The following LARS2 variants were observed in gnomAD, a reference collection of about 807,000 sequenced individuals.
The protein encoded by LARS2 is leucyl-tRNA synthetase 2, mitochondrial.
In LARS2, 81 loss-of-function variants were observed where a neutral mutation model predicts 116.6. The observed-to-expected ratio is 0.69, with a 90% confidence interval of 0.58 to 0.84. The LOEUF (loss-of-function observed/expected upper bound fraction) is 0.84, where lower values mean the gene tolerates loss of function less well. LARS2 is among the 40% of genes least tolerant of loss of function. The pLI, the probability that LARS2 is intolerant of heterozygous loss-of-function variation, is 0.00. For synonymous variants in LARS2, 396 were observed against 407.2 expected, an observed-to-expected ratio of 0.97 and a Z score of 0.33; for missense variants, 968 against 1,114.5, an observed-to-expected ratio of 0.87 and a Z score of 1.87.
In LARS2 at chr3:45,416,335, GGAGA is replaced by G. The variant is rs141164137; in HGVS notation, c.364-1136_364-1133del. Among the ~76,000 whole-genome samples the G allele has an allele frequency of 4.7e-5, 7 of 150,320 alleles. No homozygotes were observed. The East Asian group carries it at 1.2e-3, about 26-fold the overall frequency. ...TCAGGAGAGTATTGCCTCAATCAGG[GGAGA>G]GAGAGAGAGATAGAAGAAAGAAGTG... On this transcript the variant is annotated intron_variant, in intron 4 of 21. Transcript: ENST00000645846.
At position 45,547,513 on chromosome 3, in the gene LARS2, T is replaced by C. The variant is rs1700893061; in HGVS notation, c.2695T>C (p.Phe899Leu). 1.2e-6 allele frequency: 2 copies of C among 1,604,732 alleles called. No individual in the cohort carries two copies. Among genetic ancestry groups the C allele is most frequent in the Non-Finnish European group, 1.7e-6 (2 of 1,176,808 alleles). The change falls in exon 22 of 22, where the codon TTC becomes CTC. Residue 899 changes from phenylalanine (F) to leucine (L), a missense_variant. Physicochemically the swap from Phe to Leu is conservative, Grantham distance 22 (BLOSUM62 0). Coordinates refer to ENST00000645846, the MANE Select transcript of LARS2 (RefSeq NM_015340.4). Reference protein sequence around the residue: ...FLSPRTALINFLVQD With the variant: ...FLSPRTALINLLVQD ...TTCCCCGAGAACTGCCCTCATCAAC[T>C]TCCTGGTGCAAGATTGACAGCCAGG... is the stretch of plus-strand genomic sequence containing the variant.
intron 3 of LARS2, among the ~76,000 whole-genome samples, chr3:45,396,960 C>G (rs1438960436): frequency 1.3e-5 from 2 of 152,174 alleles, no homozygotes; most frequent in African/African-American, 4.8e-5. Context: ...AGTGACAAAG[C>G]TAGGACCAGA....
At chr3:45,415,987 G>C (rs1698415225) in intron 4 of LARS2, among the ~76,000 whole-genome samples, 1 of 150,948 alleles carries the variant, frequency 6.6e-6, no homozygotes, top group Admixed American at 6.6e-5. Flanking sequence ...CTTTTATCCA[G>C]TCTCAAAAGT....
At chr3:45,515,160 A>G (rs1002248261) in intron 16 of LARS2, among the ~76,000 whole-genome samples, 31 of 152,234 alleles carry the variant, frequency 2.0e-4, no homozygotes, top group Middle Eastern at 3.4e-3. Context: ...GCTCATAGGA[A>G]GTCACCAGCC....
rs146526894 is a variant in LARS2 at position 45,462,834 on chromosome 3, T to G, written c.750+3948T>G. ...TCCTAATTTTAAAGACAGTGCCTGA[T>G]GTGAAAATTACAGAGAACCCAGCAA... On this transcript the variant is annotated intron_variant, in intron 8 of 21. Coordinates refer to ENST00000645846, the MANE Select transcript of LARS2 (RefSeq NM_015340.4). Among the ~76,000 whole-genome samples the G allele has an allele frequency of 8.5e-5, 13 of 152,320 alleles. No homozygotes were observed. The South Asian group carries it at 1.0e-3, about 12-fold the overall frequency.
chr3:45,513,835 A>G (rs1700329734), intron 16 of LARS2, among the ~76,000 whole-genome samples: 1 of 152,120 alleles, frequency 6.6e-6, no homozygotes, highest in African/African-American at 2.4e-5. Context: ...CACCCTGAGG[A>G]TCACAAGATC....
At chr3:45,391,518 AT>A (rs979624079) in intron 1 of LARS2, 64 bp from the exon 2 acceptor site, 11 of 148,440 alleles carry the variant, frequency 7.4e-5, no homozygotes, top group African/African-American at 2.5e-4. Context: ...CTGTGTTTTT[AT>A]TTTTTTATGA....
Position 45,417,590 on chromosome 3 carries a change from A to G in LARS2, c.455+17A>G, listed in dbSNP as rs1003731707. The G allele has an allele frequency of 9.5e-6, 15 of 1,580,192 alleles. No homozygotes were observed. Among genetic ancestry groups the G allele is most frequent in the Admixed American group, 1.7e-5 (1 of 59,016 alleles). On this transcript the variant is annotated intron_variant, in intron 5 of 21. Transcript: ENST00000645846. ...GACACAAAGGTAAGTGTTTACAGGCATATTCAAATACTTGCATACAAAAAC... is the reference window on the plus strand; with the variant it reads ...GACACAAAGGTAAGTGTTTACAGGCGTATTCAAATACTTGCATACAAAAAC...
chr3:45,400,305 A>T lies in LARS2; in HGVS notation c.295A>T (p.Met99Leu). 1 of 1,614,054 alleles carries T rather than the reference A, an allele frequency of 6.2e-7. No homozygotes were observed. ...CCCTTATCCTTCTGGTAAGCTGCAC[A>T]TGGGCCATGTGCGTGTCTACACCAT... is the stretch of plus-strand genomic sequence containing the variant. ...MFPYPSGKLH[M>L]GHVRVYTISD... Residue 99 changes from methionine to leucine, a missense_variant, in exon 4 of 22, where the codon ATG becomes TTG. Coordinates refer to ENST00000645846, the MANE Select transcript of LARS2 (RefSeq NM_015340.4).
At chr3:45,478,421 A>G (rs919798886) in intron 10 of LARS2, among the ~76,000 whole-genome samples, 2 of 152,256 alleles carry the variant, frequency 1.3e-5, no homozygotes, top group African/African-American at 4.8e-5. Context: ...GGGAGCTATG[A>G]TTTGTTAATG....
At chr3:45,415,178 C>T (rs1285309903) in intron 4 of LARS2, among the ~76,000 whole-genome samples, 2 of 152,180 alleles carry the variant, frequency 1.3e-5, no homozygotes, top group Admixed American at 6.5e-5. Context: ...CTCACTCCTG[C>T]TGGGCCACAG....
At chr3:45,449,539 G>C (rs1290406918) in intron 7 of LARS2, among the ~76,000 whole-genome samples, 1 of 152,090 alleles carries the variant, frequency 6.6e-6, no homozygotes, top group Non-Finnish European at 1.5e-5. Context: ...ATTCATGAGA[G>C]CAGAGCCCTC....
chr3:45,430,072 C>T (rs1372012156), intron 6 of LARS2, among the ~76,000 whole-genome samples: 67 of 115,576 alleles, frequency 5.8e-4, no homozygotes, highest in African/African-American at 2.0e-3. Context: ...AGTGTAGTGG[C>T]GCGATCTCGG....
chr3:45,496,497 G>A, intron 14 of LARS2, 124 bp downstream of exon 14: 1 of 743,890 alleles, frequency 1.3e-6, no homozygotes, highest in Non-Finnish European at 2.4e-6. Flanking sequence ...AGATTAAAGG[G>A]GAGAAGAGGA....
chr3:45,476,523 C>CCATTTT lies in LARS2; in HGVS notation c.919_920insTCATTT (p.Ile306_Tyr307insPheIle). ...ACTGCCTATACGGCCACCCCTGAAG[C>CCATTTT]CATTTATGGCACCTCCCACGTGGCC... On this transcript the variant is annotated inframe_insertion, in exon 10 of 22. Coordinates refer to ENST00000645846, the MANE Select transcript of LARS2 (RefSeq NM_015340.4). The CCATTTT allele has an allele frequency of 6.2e-7, 1 of 1,614,236 alleles. No individual in the cohort carries two copies. The highest frequency in any genetic ancestry group is 8.5e-7 in the Non-Finnish European group (1 of 1,180,018).
At chr3:45,390,314 A>T (rs1371390052) in intron 1 of LARS2, among the ~76,000 whole-genome samples, 1 of 149,384 alleles carries the variant, frequency 6.7e-6, no homozygotes, top group Non-Finnish European at 1.5e-5. Flanking sequence ...TTTTATTTTT[A>T]TTTATTTATT....
At chr3:45,433,617 A>G (rs371329312) in intron 6 of LARS2, among the ~76,000 whole-genome samples, 1 of 152,148 alleles carries the variant, frequency 6.6e-6, no homozygotes, top group African/African-American at 2.4e-5. Context: ...TTTTGCTTCA[A>G]CCATCAAATA....
intron 6 of LARS2, among the ~76,000 whole-genome samples, chr3:45,430,166 G>A (rs1187656524): frequency 6.6e-6 from 1 of 150,584 alleles, no homozygotes; most frequent in Non-Finnish European, 1.5e-5. Context: ...GTAGAGATGG[G>A]GTTTCACTGT....
intron 19 of LARS2, among the ~76,000 whole-genome samples, chr3:45,522,252 C>A (rs1317100018): frequency 1.3e-5 from 2 of 152,178 alleles, no homozygotes; most frequent in Non-Finnish European, 2.9e-5. Context: ...ATCCTCTGAT[C>A]CAGGAGTGTT....
Sources: gnomAD v4.1 joint callset for allele counts (sites outside exome capture counted in the v4.1 genomes callset) on GRCh38, gnomAD v4.1.1 for gene constraint, MANE v1.5 for transcripts, NCBI Gene and HGNC (gene_info 2026-07-23, HGNC 2026-07-21) for gene names.